The following KDM5C variants were observed in gnomAD, a reference collection of about 807,000 sequenced individuals.
The protein encoded by KDM5C is lysine demethylase 5C.
KDM5C carries 16 observed loss-of-function variants against 110.6 expected under a neutral mutation model. The observed-to-expected ratio is 0.14, with a 90% CI of 0.10 to 0.22. The LOEUF (loss-of-function observed/expected upper bound fraction) is 0.22, where lower values mean the gene tolerates loss of function less well. Ranked by LOEUF, KDM5C falls within the 10% of genes least tolerant of loss-of-function variation. The probability of loss-of-function intolerance (pLI) is 1.00; values close to 1 mark genes in which losing one functional copy is unlikely to be tolerated. For missense variants in KDM5C, 681 were observed against 1,300.9 expected (o/e 0.52, Z 7.33); for synonymous variants, 511 against 520.4 (o/e 0.98, Z 0.24).
rs782537195 is a variant in KDM5C at position 53,193,242 on chromosome X, C to T, written c.4408G>A (p.Asp1470Asn). 5.0e-6 allele frequency: 6 copies of T among 1,207,031 alleles called. No homozygotes were observed. The highest frequency in any genetic ancestry group is 1.8e-5 in the African/African-American group (1 of 56,798). The change falls in exon 26 of 26, where the codon GAT becomes AAT. Residue 1470 changes from aspartate to asparagine, a missense_variant. This residue lies in a region of KDM5C where 115 missense variants were observed against 120.9 expected (regional missense o/e 0.95). Transcript: ENST00000375401. ...TCTAGCTCCTCTCGGGCTGGGTCAT[C>T]GCCCTCCCCACCCCGATCCACCTTC... is the stretch of plus-strand genomic sequence containing the variant. The part of the protein sequence containing the change: ...RRKVDRGGEG[D>N]DPAREELEPK...
At position 53,194,678 on chromosome X, in the gene KDM5C, T is replaced by C. The variant is rs1326544819; in HGVS notation, c.3499A>G (p.Thr1167Ala). 1 of 1,209,301 alleles carries C rather than the reference T, an allele frequency of 8.3e-7. No homozygotes were observed. Among genetic ancestry groups the C allele is most frequent in the Non-Finnish European group, 1.1e-6 (1 of 894,809 alleles). The change falls in exon 23 of 26, where the codon ACC (threonine) becomes GCC (alanine). Residue 1167 changes from threonine (T) to alanine (A), a missense_variant. This residue lies in a region of KDM5C where 66 missense variants were observed against 162.9 expected (regional missense o/e 0.41). Transcript: ENST00000375401. ...AGTGGACTGGGCTTGGCCGAATTGGTGCGACGCAGCTGCAGGATACCCTCC... is the reference window on the plus strand; with the variant it reads ...AGTGGACTGGGCTTGGCCGAATTGGCGCGACGCAGCTGCAGGATACCCTCC... ...EKEGILQLRR[T>A]NSAKPSPLAS...
chrX:53,195,535 C>G, intron 20 of KDM5C, 125 bp from the exon 21 acceptor site: 6 of 677,203 alleles, frequency 8.9e-6, no homozygotes, highest in Non-Finnish European at 1.2e-5. Context: ...AAATAGGTGT[C>G]ATCCTAAGGA....
In KDM5C at chrX:53,196,986, A is replaced by G. The variant is rs1556837710; in HGVS notation, c.2681T>C (p.Leu894Pro). The G allele has an allele frequency of 4.2e-6, 5 of 1,193,620 alleles. No homozygotes were observed. The highest frequency in any genetic ancestry group is 4.5e-6 in the Non-Finnish European group (4 of 886,373). ...CTGCAGTAGCCCTGGACTGGAGGGC[A>G]GTGAGGCCAGGGCCTCACGAGCCTC... is the stretch of plus-strand genomic sequence containing the variant. ...QAEAREALAS[L>P]PSSPGLLQSL... Residue 894 changes from leucine (L) to proline (P), a missense_variant, in exon 19 of 26, where the codon CTG (leucine) becomes CCG (proline). Physicochemically the swap from Leu to Pro is moderately conservative, Grantham distance 98. Around this residue, in one of 14 missense-constraint regions of KDM5C, gnomAD observed 123 missense variants for 169.0 expected, o/e 0.73. Transcript: ENST00000375401.
intron 1 of KDM5C, among the ~76,000 whole-genome samples, chrX:53,221,209 G>A (rs900664118): frequency 2.7e-5 from 3 of 109,808 alleles, no homozygotes; most frequent in African/African-American, 6.7e-5. Context: ...TTAAGAGATG[G>A]AGCCTCTGTT....
downstream of KDM5C, among the ~76,000 whole-genome samples, chrX:53,188,432 A>G (rs147672514): frequency 0.012 from 1,339 of 107,908 alleles, 28 homozygotes; most frequent in African/African-American, 0.043. Flanking sequence ...CTGGAGTGCA[A>G]TGGCGCGATC....
At chrX:53,195,485 G>T in intron 20 of KDM5C, 75 bp from the exon 21 acceptor site, 1 of 986,289 alleles carries the variant, frequency 1.0e-6, no homozygotes, top group Non-Finnish European at 1.4e-6. Context: ...CTGGCCCTGA[G>T]CTGGAAAGAT....
At chrX:53,197,112 G>T in intron 18 of KDM5C, 68 bp from the exon 19 acceptor site, 1 of 860,907 alleles carries the variant, frequency 1.2e-6, no homozygotes, top group Non-Finnish European at 1.7e-6. Context: ...CCACCAGATG[G>T]AACCTTGTCC....
rs782216325 is a variant in KDM5C, at chrX:53,208,805, CTTTTTT to C, written c.1746+1603_1746+1608del. The stretch of plus-strand genomic sequence containing the variant: ...CAGGCATGAGCCACCACACCCGGCT[CTTTTTT>C]TTTTTTTTTTTTTTTTTTTTTTGAG... On this transcript the variant is annotated intron_variant, in intron 12 of 25. Coordinates refer to ENST00000375401, the MANE Select transcript of KDM5C (RefSeq NM_004187.5). Among the ~76,000 whole-genome samples, 81 of 22,167 alleles carry C rather than the reference CTTTTTT, an allele frequency of 3.7e-3. 1 individual carries two copies. Among genetic ancestry groups the C allele is most frequent in the African/African-American group, 0.016 (78 of 4,949 alleles). 19.2% of individuals were successfully genotyped at this position (22,167 alleles called of 115,157 possible). A position where few individuals can be genotyped will look rare whatever the true frequency, so the allele number is the denominator to read the frequency against.
At chrX:53,190,641 C>G (rs1934377983), downstream of KDM5C, among the ~76,000 whole-genome samples, 1 of 111,647 alleles carries the variant, frequency 9.0e-6, no homozygotes, top group African/African-American at 3.3e-5. Flanking sequence ...TGGGGTCAAG[C>G]TGGACCCGGC....
rs1195776395 is a variant in KDM5C, at chrX:53,224,988, T to C, written c.-99A>G. Reference sequence around the variant, plus strand: ...TGAAGCCGAGGCAATGCTCGGAGGCTAGGCCCTAAGCGGGGCAGCCGCCGC... The same window carrying C: ...TGAAGCCGAGGCAATGCTCGGAGGCCAGGCCCTAAGCGGGGCAGCCGCCGC... On this transcript the variant is annotated 5_prime_UTR_variant, in exon 1 of 26. Coordinates refer to ENST00000375401, the MANE Select transcript of KDM5C (RefSeq NM_004187.5). 1.1e-5 allele frequency: 11 copies of C among 1,030,914 alleles called. No homozygotes were observed. Among genetic ancestry groups the C allele is most frequent in the Non-Finnish European group, 1.1e-5 (9 of 784,295 alleles). The allele number at this position is 1,030,914 out of a possible 1,213,427, so 85.0% of individuals were successfully genotyped here.
Position 53,194,989 on chromosome X carries a change from T to G in KDM5C, c.3380A>C (p.Lys1127Thr), listed in dbSNP as rs782201107. The G allele has an allele frequency of 8.3e-7, 1 of 1,210,939 alleles. No homozygotes were observed. The highest frequency in any genetic ancestry group is 1.1e-6 in the Non-Finnish European group (1 of 895,096). ...CAGCCCCAGCAGCTCTGTGTCAGAT[T>G]TGTACAACCCCAGCTCCTTCTCCAT... ...RWMEKELGLY[K>T]SDTELLGLSA... is the part of the protein sequence containing the mutation. Residue 1127 changes from lysine (K) to threonine (T), a missense_variant, in exon 22 of 26, where the codon AAA (lysine) becomes ACA (threonine). This residue lies in a region of KDM5C where 66 missense variants were observed against 162.9 expected (regional missense o/e 0.41). Coordinates refer to ENST00000375401, the MANE Select transcript of KDM5C (RefSeq NM_004187.5).
chrX:53,191,062 A>G (rs1262274560), downstream of KDM5C, among the ~76,000 whole-genome samples: 1 of 111,766 alleles, frequency 8.9e-6, no homozygotes, highest in African/African-American at 3.3e-5. Flanking sequence ...TCAAGACCAC[A>G]AAGAATGGTT....
Position 53,193,783 on chromosome X carries a change from T to C in KDM5C, c.4107A>G (p.Ser1369=). The change falls in exon 24 of 26, where the codon TCA becomes TCG. Residue 1369 remains serine (S), a synonymous_variant. Transcript: ENST00000375401. The stretch of plus-strand genomic sequence containing the variant: ...CACACCTAGACCTACCTCTCTTACC[T>C]GAGCCCTCCTCCGGGGCTACCTTCT... ...SPEKVAPEEG[S]GKRDLELLSS... 8.3e-7 allele frequency: 1 copy of C among 1,208,972 alleles called. No individual in the cohort carries two copies. Among genetic ancestry groups the C allele is most frequent in the Non-Finnish European group, 1.1e-6 (1 of 892,861 alleles).
At position 53,218,324 on chromosome X, in the gene KDM5C, C is replaced by A. The variant is rs1556853080; in HGVS notation, c.303G>T (p.Lys101Asn). ...AGATCCGCCGTTCTACATTGGGAAT[C>A]TTTAAGGAGGAGCCCTGGATTTCCC... Reference protein sequence around the residue: ...KFWEIQGSSLKIPNVERRILD... With the variant: ...KFWEIQGSSLNIPNVERRILD... The change falls in exon 3 of 26, where the codon AAG becomes AAT. Residue 101 changes from lysine to asparagine, a missense_variant. Around this residue, in one of 14 missense-constraint regions of KDM5C, gnomAD observed 55 missense variants for 118.0 expected, o/e 0.47. Coordinates refer to ENST00000375401, the MANE Select transcript of KDM5C (RefSeq NM_004187.5). The A allele has an allele frequency of 8.3e-7, 1 of 1,210,691 alleles. No homozygotes were observed. Among genetic ancestry groups the A allele is most frequent in the Non-Finnish European group, 1.1e-6 (1 of 894,489 alleles).
downstream of KDM5C, among the ~76,000 whole-genome samples, chrX:53,190,798 C>T (rs374510139): frequency 2.6e-4 from 29 of 111,677 alleles, no homozygotes; most frequent in African/African-American, 8.8e-4. Flanking sequence ...CCACTAGGTT[C>T]CTATCAGCTG....
At chrX:53,216,287 T>C in intron 5 of KDM5C, 90 bp from the exon 6 acceptor site, 1 of 1,145,328 alleles carries the variant, frequency 8.7e-7, no homozygotes. Flanking sequence ...ACATATCACC[T>C]GATCTCATGC....
intron 25 of KDM5C, among the ~76,000 whole-genome samples, chrX:53,180,963 C>T (rs1278572321): frequency 3.8e-5 from 4 of 106,484 alleles, no homozygotes; most frequent in African/African-American, 1.0e-4. Context: ...CTCCTGACCT[C>T]GTGATCCGCC....
chrX:53,214,641 G>A, intron 8 of KDM5C, 48 bp downstream of exon 8: 1 of 1,171,240 alleles, frequency 8.5e-7, no homozygotes, highest in Non-Finnish European at 1.1e-6. Context: ...CCAGATGAAG[G>A]AAGGCAAGGA....
At chrX:53,220,986 G>T in intron 1 of KDM5C, 70 bp from the exon 2 acceptor site, 1 of 951,808 alleles carries the variant, frequency 1.1e-6, no homozygotes, top group Non-Finnish European at 1.5e-6. Flanking sequence ...GTCACCAAAA[G>T]CAGCTCGGAA....
Sources: allele counts gnomAD v4.1 joint callset (sites outside exome capture counted in the v4.1 genomes callset), GRCh38; gene constraint gnomAD v4.1.1; regional missense constraint gnomAD v4.1.1; transcripts MANE v1.5; gene names NCBI Gene and HGNC (gene_info 2026-07-23, HGNC 2026-07-21).